NPAS3: variants seen among roughly 807,000 people sequenced by gnomAD.
The protein encoded by NPAS3 is neuronal PAS domain protein 3.
In NPAS3, 14 loss-of-function variants were observed where a neutral mutation model predicts 73.1. That is an observed-to-expected ratio of 0.19 (90% CI 0.13 to 0.30). The LOEUF (loss-of-function observed/expected upper bound fraction) is 0.30. Ranked by LOEUF, NPAS3 falls within the 10% of genes least tolerant of loss-of-function variation. The pLI is 1.00. For synonymous variants in NPAS3, 620 were observed against 541.5 expected (o/e 1.14, Z -2.01); for missense variants, 1,096 against 1,250.0 (o/e 0.88, Z 1.86).
chr14:33,441,197 G>A (rs1025585660), intron 4 of NPAS3, among the ~76,000 whole-genome samples: 4 of 152,148 alleles, frequency 2.6e-5, no homozygotes, highest in African/African-American at 7.2e-5. Context: ...TTTCTTATGA[G>A]AGAATTTTAA....
At chr14:33,796,679 G>A (rs1476402369) in intron 10 of NPAS3, among the ~76,000 whole-genome samples, 1 of 152,152 alleles carries the variant, frequency 6.6e-6, no homozygotes, top group Non-Finnish European at 1.5e-5. Flanking sequence ...CCTTGGAGTG[G>A]CATTTCCAGA....
intron 5 of NPAS3, chr14:33,582,247 A>C (rs2056693928): frequency 6.6e-6 from 1 of 152,112 alleles, no homozygotes; most frequent in Non-Finnish European, 1.5e-5. Flanking sequence ...TTATGTTTAG[A>C]AAAAAATTTT....
chr14:33,518,387 A>C (rs936526222), intron 4 of NPAS3, among the ~76,000 whole-genome samples: 1 of 152,070 alleles, frequency 6.6e-6, no homozygotes, highest in African/African-American at 2.4e-5. Context: ...CTGATAATAG[A>C]AATGGAGCTG....
chr14:33,267,506 T>C (rs1051450140), intron 3 of NPAS3, among the ~76,000 whole-genome samples: 1 of 152,138 alleles, frequency 6.6e-6, no homozygotes, highest in African/African-American at 2.4e-5. Context: ...TGAAAGACTT[T>C]GTAGGCACTC....
In NPAS3 at chr14:33,234,757, T is replaced by C. The variant is rs531398112; in HGVS notation, c.385+19331T>C. On this transcript the variant is annotated intron_variant, in intron 3 of 11. Transcript: ENST00000356141. The stretch of plus-strand genomic sequence containing the variant: ...AAAATTATCAAGTTTACTATGGGTC[T>C]AGAACACTATACCTATGAACAGTAA... Among the ~76,000 whole-genome samples, 13 of 152,244 alleles carry C rather than the reference T, an allele frequency of 8.5e-5. 1 individual carries two copies. The East Asian group carries it at 2.5e-3, about 29-fold the overall frequency.
rs373752062 is a variant in NPAS3, at chr14:33,751,190, A to T, written c.852+15858A>T. On this transcript the variant is annotated intron_variant, in intron 7 of 11. Coordinates refer to ENST00000356141, the Ensembl canonical transcript of NPAS3. Reference sequence around the variant, plus strand: ...TGAAGATTAAGAGTGTTTCATGTCAACAAAATTTTTTGGAATCATTGTAAG... The same window carrying T: ...TGAAGATTAAGAGTGTTTCATGTCATCAAAATTTTTTGGAATCATTGTAAG... Among the ~76,000 whole-genome samples, 11 of 152,348 alleles carry T rather than the reference A, an allele frequency of 7.2e-5. No individual in the cohort carries two copies. The South Asian group carries it at 8.3e-4, about 11-fold the overall frequency.
intron 4 of NPAS3, among the ~76,000 whole-genome samples, chr14:33,523,451 C>CAAAAAAAA (rs755370427): frequency 2.1e-5 from 1 of 46,722 alleles, no homozygotes; most frequent in Non-Finnish European, 4.4e-5. Flanking sequence ...GACTCTGTCT[C>CAAAAAAAA]AAAAAAAAAA....
intron 9 of NPAS3, among the ~76,000 whole-genome samples, chr14:33,786,062 C>A (rs1248357983): frequency 6.6e-6 from 1 of 152,174 alleles, no homozygotes; most frequent in Non-Finnish European, 1.5e-5. Context: ...CAAGCCTAAG[C>A]CACTCACTGG....
chr14:33,213,584 G>C (rs2047115328), intron 2 of NPAS3: 1 of 152,120 alleles, frequency 6.6e-6, no homozygotes, highest in African/African-American at 2.4e-5. Context: ...GGCTGGCCCA[G>C]ATATTGGGAA....
chr14:33,481,308 G>A (rs369923293), intron 4 of NPAS3, among the ~76,000 whole-genome samples: 1 of 152,174 alleles, frequency 6.6e-6, no homozygotes, highest in African/African-American at 2.4e-5. Flanking sequence ...CAAGTTTAAC[G>A]GAGTCTATCA....
In NPAS3 at chr14:33,079,360, C is replaced by T. The variant is rs370842606; in HGVS notation, c.140+23366C>T. The stretch of plus-strand genomic sequence containing the variant: ...TTGAGACAGAGTCTTGCTCTGTCGC[C>T]CAGGCTGGAGTGCAGTGGCATGATC... On this transcript the variant is annotated intron_variant, in intron 2 of 11. Coordinates refer to ENST00000356141, the Ensembl canonical transcript of NPAS3. 9.6e-3 allele frequency among the ~76,000 whole-genome samples: 1,291 copies of T among 134,646 alleles called. 19 individuals carry two copies. The highest frequency in any genetic ancestry group is 0.035 in the African/African-American group (1,229 of 35,594). The allele number at this position is 134,646 out of a possible 152,430, so 88.3% of individuals were successfully genotyped here. A position where few individuals can be genotyped will look rare whatever the true frequency, so the allele number is the denominator to read the frequency against.
At chr14:33,334,709 T>A (rs1302403280) in intron 3 of NPAS3, among the ~76,000 whole-genome samples, 1 of 152,156 alleles carries the variant, frequency 6.6e-6, no homozygotes, top group East Asian at 1.9e-4. Flanking sequence ...TTTTTTTTAT[T>A]TCAGTAGAAT....
At chr14:33,747,138 C>T (rs1344202973) in intron 7 of NPAS3, among the ~76,000 whole-genome samples, 1 of 152,006 alleles carries the variant, frequency 6.6e-6, no homozygotes, top group Admixed American at 6.5e-5. Flanking sequence ...CACATGCACA[C>T]GTATGTTTAC....
chr14:33,354,030 GA>G (rs1001771350), intron 3 of NPAS3, among the ~76,000 whole-genome samples: 6 of 151,604 alleles, frequency 4.0e-5, no homozygotes, highest in Admixed American at 1.3e-4. Flanking sequence ...GTGAAATATT[GA>G]AAAAAAATAG....
chr14:33,247,310 A>G (rs2048428173), intron 3 of NPAS3, among the ~76,000 whole-genome samples: 1 of 152,224 alleles, frequency 6.6e-6, no homozygotes, highest in South Asian at 2.1e-4. Context: ...TGGGGAAACC[A>G]GCTAAGCCTT....
chr14:33,677,767 AG>A (rs1310907820), intron 6 of NPAS3, among the ~76,000 whole-genome samples: 4 of 152,214 alleles, frequency 2.6e-5, no homozygotes, highest in African/African-American at 9.6e-5. Flanking sequence ...ACATGAGAAA[AG>A]AGAATATTTA....
intron 4 of NPAS3, among the ~76,000 whole-genome samples, chr14:33,504,053 C>T (rs1566956384): frequency 6.6e-6 from 1 of 151,932 alleles, no homozygotes; most frequent in Non-Finnish European, 1.5e-5. Flanking sequence ...TACTGACACC[C>T]ACCGCACATA....
At chr14:33,372,454 G>A (rs186676274) in intron 4 of NPAS3, among the ~76,000 whole-genome samples, 1 of 152,104 alleles carries the variant, frequency 6.6e-6, no homozygotes, top group African/African-American at 2.4e-5. Flanking sequence ...ACTTAATGGT[G>A]ATTTTATCAA....
intron 2 of NPAS3, among the ~76,000 whole-genome samples, chr14:33,100,922 A>T (rs186437401): frequency 9.2e-5 from 14 of 152,250 alleles, no homozygotes; most frequent in Admixed American, 2.6e-4. Context: ...TTTTCACATT[A>T]TTCTATAATG....
Sources: gnomAD v4.1 joint callset for allele counts (sites outside exome capture counted in the v4.1 genomes callset) on GRCh38, gnomAD v4.1.1 for gene constraint, MANE v1.5 for transcripts, NCBI Gene and HGNC (gene_info 2026-07-23, HGNC 2026-07-21) for gene names.